Variants in KLHL32 observed in about 807,000 individuals in gnomAD.
The protein encoded by KLHL32 is kelch like family member 32.
In KLHL32, 35 loss-of-function variants were observed where a neutral mutation model predicts 64.8. The observed-to-expected ratio is 0.54, with a 90% CI of 0.41 to 0.72. KLHL32 has a LOEUF of 0.72. Among genes scored for constraint, KLHL32 ranks in the 30% least tolerant of loss-of-function variants. The probability of loss-of-function intolerance (pLI) is 0.00; values close to 1 mark genes in which losing one functional copy is unlikely to be tolerated. For synonymous variants in KLHL32, 259 were observed against 281.0 expected (o/e 0.92, Z 0.78); for missense variants, 589 against 768.5 (o/e 0.77, Z 2.76).
At chr6:97,008,343 G>T (rs1779927906) in intron 3 of KLHL32, among the ~76,000 whole-genome samples, 1 of 152,166 alleles carries the variant, frequency 6.6e-6, no homozygotes, top group Non-Finnish European at 1.5e-5. Flanking sequence ...TGCACTGCAA[G>T]TGGGTGCAAC....
intron 6 of KLHL32, among the ~76,000 whole-genome samples, chr6:97,101,946 T>C (rs551814920): frequency 1.4e-4 from 22 of 152,338 alleles, no homozygotes; most frequent in African/African-American, 5.3e-4. Context: ...AATACCTTCA[T>C]CTCTTGGAGG....
chr6:97,069,795 A>AT lies in KLHL32; in HGVS notation c.411+5076dup, dbSNP rs1416660574. 3.3e-5 allele frequency among the ~76,000 whole-genome samples: 5 copies of AT among 152,066 alleles called. No individual in the cohort carries two copies. The South Asian group carries it at 6.2e-4, about 19-fold the overall frequency. Reference sequence around the variant, plus strand: ...TTCATTAGTTTTGCCCACTGAATACATTTTTTTGTTAAAAATACTTTCTTC... The same window carrying AT: ...TTCATTAGTTTTGCCCACTGAATACATTTTTTTTGTTAAAAATACTTTCTTC... On this transcript the variant is annotated intron_variant, in intron 5 of 10. Transcript: ENST00000369261.
At chr6:97,112,752 AT>A in intron 6 of KLHL32, among the ~76,000 whole-genome samples, 1 of 151,252 alleles carries the variant, frequency 6.6e-6, no homozygotes, top group East Asian at 1.9e-4. Flanking sequence ...GCCCTGATGA[AT>A]TTTTTTAATT....
chr6:97,001,065 A>C (rs1332718717), intron 3 of KLHL32, among the ~76,000 whole-genome samples: 3 of 152,248 alleles, frequency 2.0e-5, no homozygotes, highest in African/African-American at 7.2e-5. Flanking sequence ...GGGATTTTTA[A>C]AGCAGTGAAA....
the KLHL32 span, among the ~76,000 whole-genome samples, chr6:96,906,705 C>A: frequency 2.0e-5 from 3 of 152,152 alleles, no homozygotes; most frequent in Non-Finnish European, 4.4e-5. Context: ...AGATAGACAG[C>A]AACAGTAACC....
chr6:97,025,225 G>A (rs550207385), intron 3 of KLHL32: 46 of 701,034 alleles, frequency 6.6e-5, no homozygotes, highest in Middle Eastern at 7.3e-4. Context: ...GATTTGGAAC[G>A]AATTGTCCAT....
intron 2 of KLHL32, among the ~76,000 whole-genome samples, chr6:96,970,269 T>C (rs2128037913): frequency 6.6e-6 from 1 of 152,240 alleles, no homozygotes; most frequent in African/African-American, 2.4e-5. Context: ...CCATTGCCCT[T>C]AGGATAACCT....
chr6:96,990,495 A>T (rs966502621), intron 3 of KLHL32, among the ~76,000 whole-genome samples: 1 of 152,142 alleles, frequency 6.6e-6, no homozygotes, highest in Non-Finnish European at 1.5e-5. Flanking sequence ...GTGCTCTGAA[A>T]GTGTAGTTTC....
At chr6:97,104,094 A>G (rs962562341) in intron 6 of KLHL32, among the ~76,000 whole-genome samples, 2 of 152,258 alleles carry the variant, frequency 1.3e-5, no homozygotes, top group Non-Finnish European at 2.9e-5. Context: ...TAGAGAAGAT[A>G]TCACAGGTTA....
chr6:97,055,740 G>A (rs1190733412), intron 4 of KLHL32, among the ~76,000 whole-genome samples: 1 of 143,952 alleles, frequency 6.9e-6, no homozygotes. Context: ...GGAGGTTGCA[G>A]TGGGCCGATA....
At chr6:97,138,219 CACTG>C (rs1800260133) in intron 10 of KLHL32, among the ~76,000 whole-genome samples, 2 of 149,554 alleles carry the variant, frequency 1.3e-5, no homozygotes, top group African/African-American at 2.5e-5. Context: ...AGACAGCAGG[CACTG>C]ACTAACAGAG....
At chr6:96,899,118 C>T in the KLHL32 span, among the ~76,000 whole-genome samples, 1 of 152,214 alleles carries the variant, frequency 6.6e-6, no homozygotes, top group Admixed American at 6.5e-5. Flanking sequence ...AGGAAGACGG[C>T]TTCAGCCACT....
intron 4 of KLHL32, among the ~76,000 whole-genome samples, chr6:97,045,033 C>T (rs151200448): frequency 3.3e-5 from 5 of 152,080 alleles, no homozygotes; most frequent in African/African-American, 7.2e-5. Flanking sequence ...CTTATTAAAA[C>T]GTATGATATC....
At chr6:97,100,158 A>AAT (rs969449815) in intron 6 of KLHL32, among the ~76,000 whole-genome samples, 106 of 151,764 alleles carry the variant, frequency 7.0e-4, no homozygotes, top group South Asian at 2.3e-3. Flanking sequence ...TACATATATA[A>AAT]ATATATATAT....
intron 7 of KLHL32, among the ~76,000 whole-genome samples, chr6:97,116,810 C>T (rs1391602039): frequency 6.6e-6 from 1 of 152,168 alleles, no homozygotes; most frequent in Non-Finnish European, 1.5e-5. Context: ...ATCTATCAAC[C>T]TATTACAGAT....
chr6:96,982,805 A>T (rs188343746), intron 3 of KLHL32, among the ~76,000 whole-genome samples: 211 of 152,364 alleles, frequency 1.4e-3, no homozygotes, highest in African/African-American at 4.9e-3. Context: ...TTTTCTAGAT[A>T]TACAATCATG....
At chr6:97,042,172 A>C (rs1050287123) in intron 4 of KLHL32, among the ~76,000 whole-genome samples, 2 of 152,194 alleles carry the variant, frequency 1.3e-5, no homozygotes, top group Admixed American at 1.3e-4. Flanking sequence ...TCAAATACAG[A>C]CTGGATGTTT....
chr6:97,030,672 G>C (rs1207188312), intron 3 of KLHL32, among the ~76,000 whole-genome samples: 2 of 152,188 alleles, frequency 1.3e-5, no homozygotes, highest in Non-Finnish European at 2.9e-5. Context: ...ACTTGATAGA[G>C]AACATTGACA....
intron 5 of KLHL32, among the ~76,000 whole-genome samples, chr6:97,076,472 A>G (rs1791603514): frequency 6.6e-6 from 1 of 152,234 alleles, no homozygotes; most frequent in Non-Finnish European, 1.5e-5. Context: ...TGAGAAAATT[A>G]GACTTGAAAA....
Sources: allele counts gnomAD v4.1 joint callset (sites outside exome capture counted in the v4.1 genomes callset), GRCh38; gene constraint gnomAD v4.1.1; transcripts MANE v1.5; gene names NCBI Gene and HGNC (gene_info 2026-07-23, HGNC 2026-07-21).